Variants in PRKCA observed in about 807,000 individuals in gnomAD.
PRKCA encodes the protein protein kinase C alpha type.
A neutral mutation model predicts 87.0 loss-of-function variants in PRKCA; 27 were observed. The ratio of observed to expected loss-of-function variants is 0.31; its 90% CI spans 0.23 to 0.43. The LOEUF (loss-of-function observed/expected upper bound fraction) is 0.43, where lower values mean the gene tolerates loss of function less well. PRKCA is among the 20% of genes least tolerant of loss of function. The pLI, the probability that PRKCA is intolerant of heterozygous loss-of-function variation, is 1.00. For missense variants in PRKCA, 518 were observed against 852.3 expected (o/e 0.61, Z 4.88); for synonymous variants, 329 against 311.1 (o/e 1.06, Z -0.61).
intron 5 of PRKCA, among the ~76,000 whole-genome samples, chr17:66,670,452 G>A (rs2143945903): frequency 6.6e-6 from 1 of 152,342 alleles, no homozygotes; most frequent in Non-Finnish European, 1.5e-5. Context: ...CATACCCTTG[G>A]GGAGAGGAGT....
intron 5 of PRKCA, among the ~76,000 whole-genome samples, chr17:66,662,095 G>A (rs189050171): frequency 6.6e-6 from 1 of 152,352 alleles, no homozygotes; most frequent in Non-Finnish European, 1.5e-5. Context: ...CTTTCATTCA[G>A]CAAGGGAAGA....
rs551341592 is a variant in PRKCA at position 66,332,898 on chromosome 17, A to T, written c.205+26771A>T. ...AGTAGAGACGGGGTTTCACCATGTT[A>T]GCCAGGATGGTCTCAATCTCCTGAC... On this transcript the variant is annotated intron_variant, in intron 2 of 16. Transcript: ENST00000413366. Among the ~76,000 whole-genome samples the T allele has an allele frequency of 6.6e-5, 10 of 152,088 alleles. No homozygotes were observed. The East Asian group carries it at 1.9e-3, about 30-fold the overall frequency.
intron 16 of PRKCA, among the ~76,000 whole-genome samples, chr17:66,793,397 C>T (rs1023652017): frequency 1.3e-5 from 2 of 152,050 alleles, no homozygotes; most frequent in Non-Finnish European, 2.9e-5. Context: ...CGAGACCAAC[C>T]TGGCCAACAT....
At chr17:66,703,826 T>C (rs1973125747) in intron 8 of PRKCA, 1 of 151,992 alleles carries the variant, frequency 6.6e-6, no homozygotes, top group Non-Finnish European at 1.5e-5. Context: ...AATATACTCT[T>C]AAGATAACAA....
chr17:66,748,495 G>A (rs1310225296), intron 13 of PRKCA, among the ~76,000 whole-genome samples: 3 of 152,144 alleles, frequency 2.0e-5, no homozygotes, highest in African/African-American at 7.2e-5. Flanking sequence ...CTAGACAGCC[G>A]TCTCGTTCTT....
intron 5 of PRKCA, chr17:66,677,420 GT>G (rs1972367945): frequency 6.6e-6 from 1 of 152,202 alleles, no homozygotes; most frequent in Non-Finnish European, 1.5e-5. Context: ...AGCTGCGTTC[GT>G]TTGTTCACAT....
At chr17:66,750,016 G>T (rs113930106) in intron 13 of PRKCA, among the ~76,000 whole-genome samples, 2 of 152,122 alleles carry the variant, frequency 1.3e-5, no homozygotes, top group African/African-American at 4.8e-5. Context: ...GGAAAGGATT[G>T]TAGAGAGGGA....
At chr17:66,534,062 GC>G (rs1374658824) in intron 3 of PRKCA, among the ~76,000 whole-genome samples, 1 of 144,496 alleles carries the variant, frequency 6.9e-6, no homozygotes, top group Non-Finnish European at 1.5e-5. Flanking sequence ...TGGAACTGCT[GC>G]CCCCCGCACC....
intron 2 of PRKCA, among the ~76,000 whole-genome samples, chr17:66,348,815 G>A (rs974262267): frequency 6.6e-6 from 1 of 152,150 alleles, no homozygotes; most frequent in African/African-American, 2.4e-5. Flanking sequence ...TAACAAATGA[G>A]TCATCCACAT....
chr17:66,711,085 T>G (rs1279654488), intron 8 of PRKCA, among the ~76,000 whole-genome samples: 1 of 150,776 alleles, frequency 6.6e-6, no homozygotes, highest in Non-Finnish European at 1.5e-5. Flanking sequence ...AATAAAATTT[T>G]ACCAAGCAAA....
intron 3 of PRKCA, among the ~76,000 whole-genome samples, chr17:66,574,972 T>C (rs561977473): frequency 6.6e-6 from 1 of 152,366 alleles, no homozygotes; most frequent in South Asian, 2.1e-4. Flanking sequence ...TCTGGGCATA[T>C]GAAATTTCAC....
chr17:66,536,585 T>C (rs943602155), intron 3 of PRKCA, among the ~76,000 whole-genome samples: 1 of 152,218 alleles, frequency 6.6e-6, no homozygotes, highest in Non-Finnish European at 1.5e-5. Context: ...AACCTTGGGC[T>C]TCTTGCTTAA....
In PRKCA at chr17:66,804,278, A is replaced by C. The variant is rs1157755255; in HGVS notation, c.*241A>C. 2.2e-6 allele frequency: 1 copy of C among 456,268 alleles called. No homozygotes were observed. The highest frequency in any genetic ancestry group is 3.7e-6 in the Non-Finnish European group (1 of 273,372). 28.3% of individuals were successfully genotyped at this position (456,268 alleles called of 1,614,324 possible). ...TCAGTGTCCAGTTTAATTCTGTAGA[A>C]GTTACGTCTGGCTCTAGGTTAACCC... On this transcript the variant is annotated 3_prime_UTR_variant, in exon 17 of 17. Transcript: ENST00000413366.
intron 3 of PRKCA, among the ~76,000 whole-genome samples, chr17:66,587,574 T>TAC (rs1005385651): frequency 1.1e-4 from 16 of 151,720 alleles, no homozygotes; most frequent in African/African-American, 3.9e-4. Context: ...AACAGATATA[T>TAC]ATATAGATAG....
intron 5 of PRKCA, among the ~76,000 whole-genome samples, chr17:66,664,291 G>A (rs1007649251): frequency 6.6e-6 from 1 of 152,138 alleles, no homozygotes; most frequent in Non-Finnish European, 1.5e-5. Flanking sequence ...GAAGCCCAAG[G>A]CCCAAAGACC....
At chr17:66,483,718 C>T (rs1046604706) in intron 2 of PRKCA, among the ~76,000 whole-genome samples, 1 of 151,976 alleles carries the variant, frequency 6.6e-6, no homozygotes, top group Non-Finnish European at 1.5e-5. Flanking sequence ...GCCTTGGCCT[C>T]CAAAGTGCTG....
chr17:66,668,164 C>A (rs76000370), intron 5 of PRKCA, among the ~76,000 whole-genome samples: 2,376 of 152,302 alleles, frequency 0.016, 72 homozygotes, highest in African/African-American at 0.054. Flanking sequence ...AGCCAAAAAA[C>A]CTGGGAGGCA....
At position 66,347,012 on chromosome 17, in the gene PRKCA, CAG is replaced by C. The variant is rs561075247; in HGVS notation, c.205+40888_205+40889del. On this transcript the variant is annotated intron_variant, in intron 2 of 16. Coordinates refer to ENST00000413366, the MANE Select transcript of PRKCA (RefSeq NM_002737.3). ...TGCCACTGCACTCCAGCCTGGGTGA[CAG>C]AGCAAGACTCCATCTAAAAAAAAAA... is the stretch of plus-strand genomic sequence containing the variant. Among the ~76,000 whole-genome samples, 106 of 143,788 alleles carry C rather than the reference CAG, an allele frequency of 7.4e-4. 3 individuals are homozygous for C. The South Asian group carries it at 0.022, about 30-fold the overall frequency. 94.3% of individuals were successfully genotyped at this position (143,788 alleles called of 152,430 possible).
chr17:66,800,183 A>G (rs1306531529), intron 16 of PRKCA, among the ~76,000 whole-genome samples: 1 of 152,212 alleles, frequency 6.6e-6, no homozygotes, highest in East Asian at 1.9e-4. Flanking sequence ...AAAAGCTTTC[A>G]TTTGTTAAAG....
Sources: gnomAD v4.1 joint callset for allele counts (sites outside exome capture counted in the v4.1 genomes callset) on GRCh38, gnomAD v4.1.1 for gene constraint, MANE v1.5 for transcripts, NCBI Gene and HGNC (gene_info 2026-07-23, HGNC 2026-07-21) for gene names.